Variants in OPA3 observed in about 807,000 individuals in gnomAD.
OPA3 encodes optic atrophy 3 protein.
Under a neutral mutation model 4.0 loss-of-function variants are expected in OPA3, and 6 were observed. The observed-to-expected ratio is 1.51, with a 90% CI of 0.83 to 2.99. OPA3 has a LOEUF of 2.99. Among genes scored for constraint, OPA3 ranks in the 30% most tolerant of loss-of-function variants. The pLI is 0.00. For synonymous variants in OPA3, 105 were observed against 117.1 expected (o/e 0.90, Z 0.67); for missense variants, 235 against 256.2 (o/e 0.92, Z 0.56).
intron 1 of OPA3, among the ~76,000 whole-genome samples, chr19:45,554,654 A>C (rs886541302): frequency 6.6e-6 from 1 of 152,250 alleles, no homozygotes; most frequent in African/African-American, 2.4e-5. Flanking sequence ...TCACTCCTGC[A>C]ACAATTAATA....
intron 1 of OPA3, among the ~76,000 whole-genome samples, chr19:45,574,442 C>A (rs1457109923): frequency 1.3e-5 from 2 of 151,878 alleles, no homozygotes; most frequent in South Asian, 4.2e-4. Context: ...CCATGTATAC[C>A]CCCTGTAGCC....
chr19:45,559,968 G>A (rs1475786829), intron 1 of OPA3, among the ~76,000 whole-genome samples: 1 of 152,062 alleles, frequency 6.6e-6, no homozygotes, highest in African/African-American at 2.4e-5. Context: ...CAAAACTGGG[G>A]GTCAAAATAC....
chr19:45,584,539 T>C (rs1311170838), intron 1 of OPA3, 84 bp downstream of exon 1: 29 of 1,609,546 alleles, frequency 1.8e-5, no homozygotes, highest in African/African-American at 2.7e-5. Flanking sequence ...TGATTGGTCG[T>C]AGACAGAAGT....
intron 1 of OPA3, among the ~76,000 whole-genome samples, chr19:45,558,193 G>A (rs558947502): frequency 2.0e-5 from 3 of 152,176 alleles, no homozygotes; most frequent in Admixed American, 1.3e-4. Context: ...TTAGCGGGGC[G>A]TGGTGGGAGG....
chr19:45,532,822 TC>T (rs1459157656), intron 1 of OPA3, among the ~76,000 whole-genome samples: 1 of 152,068 alleles, frequency 6.6e-6, no homozygotes, highest in Non-Finnish European at 1.5e-5. Context: ...CAAGCAATCC[TC>T]CCACCTCAGC....
chr19:45,558,656 C>G (rs1334676230), intron 1 of OPA3, among the ~76,000 whole-genome samples: 1 of 152,132 alleles, frequency 6.6e-6, no homozygotes, highest in African/African-American at 2.4e-5. Context: ...ATGCGGCCTG[C>G]CCTTTCTCCG....
Position 45,548,179 on chromosome 19 carries a change from C to T in OPA3, c.*5335G>A. On this transcript the variant is annotated 3_prime_UTR_variant, in exon 2 of 2. Coordinates refer to ENST00000263275, the MANE Select transcript of OPA3 (RefSeq NM_025136.4). Reference sequence around the variant, plus strand: ...CACCGACTCCAGCTACAAGCCATTGCCACTGGGGGACCCAAGCCTGCCACT... The same window carrying T: ...CACCGACTCCAGCTACAAGCCATTGTCACTGGGGGACCCAAGCCTGCCACT... 6 of 986,228 alleles carry T rather than the reference C, an allele frequency of 6.1e-6. No individual in the cohort carries two copies. Among genetic ancestry groups the T allele is most frequent in the Non-Finnish European group, 7.2e-6 (6 of 830,458 alleles). The allele number at this position is 986,228 out of a possible 1,614,324, so 61.1% of individuals were successfully genotyped here.
rs894114895 is a variant in OPA3, at chr19:45,559,393, C to T, written c.143-5482G>A. Among the ~76,000 whole-genome samples, 346 of 97,756 alleles carry T rather than the reference C, an allele frequency of 3.5e-3. 8 individuals are homozygous for T. Among genetic ancestry groups the T allele is most frequent in the African/African-American group, 0.013 (317 of 24,064 alleles). The allele number at this position is 97,756 out of a possible 152,430, so 64.1% of individuals were successfully genotyped here. ...TTCTCTCTCTTCTTTCCCTCTTTTT[C>T]TTTCTTTTTTTTTTTTTTTTTTTTT... On this transcript the variant is annotated intron_variant, in intron 1 of 1. Coordinates refer to ENST00000263275, the MANE Select transcript of OPA3 (RefSeq NM_025136.4).
At chr19:45,539,668 A>G (rs934190157) in intron 1 of OPA3, among the ~76,000 whole-genome samples, 2 of 150,618 alleles carry the variant, frequency 1.3e-5, no homozygotes, top group African/African-American at 4.9e-5. Context: ...AATCCCAGCT[A>G]CTGGGCGGGG....
At chr19:45,529,596 C>G in intron 1 of OPA3, 3 of 1,024,600 alleles carry the variant, frequency 2.9e-6, no homozygotes, top group South Asian at 3.0e-5. Context: ...GACGCCTTAA[C>G]GAAGACAAGT....
At chr19:45,529,876 T>A (rs1300437821) in intron 1 of OPA3, among the ~76,000 whole-genome samples, 14 of 151,658 alleles carry the variant, frequency 9.2e-5, no homozygotes, top group Admixed American at 7.2e-4. Flanking sequence ...TGGGACAACG[T>A]GTGCGCGCCA....
intron 1 of OPA3, among the ~76,000 whole-genome samples, chr19:45,580,140 G>A (rs1969828015): frequency 6.6e-6 from 1 of 151,270 alleles, no homozygotes; most frequent in African/African-American, 2.4e-5. Context: ...GGGATTACAG[G>A]CGCGTGCCAC....
chr19:45,530,550 C>T (rs1270405719), intron 1 of OPA3, among the ~76,000 whole-genome samples: 2 of 151,726 alleles, frequency 1.3e-5, no homozygotes, highest in Non-Finnish European at 2.9e-5. Context: ...TGCTCTGTTG[C>T]CCAGGCTGTA....
intron 1 of OPA3, among the ~76,000 whole-genome samples, chr19:45,558,726 T>C (rs946948524): frequency 6.6e-6 from 1 of 151,980 alleles, no homozygotes; most frequent in Non-Finnish European, 1.5e-5. Flanking sequence ...TCTGCTGTTT[T>C]TTTTTTTTAT....
At chr19:45,559,080 C>T (rs1260912552) in intron 1 of OPA3, among the ~76,000 whole-genome samples, 3 of 152,114 alleles carry the variant, frequency 2.0e-5, no homozygotes, top group African/African-American at 7.2e-5. Context: ...GACGGGATTT[C>T]ACCATGTTGG....
downstream of OPA3, among the ~76,000 whole-genome samples, chr19:45,541,602 T>C (rs560401606): frequency 3.3e-3 from 503 of 152,228 alleles, 5 homozygotes; most frequent in Non-Finnish European, 3.1e-3. Flanking sequence ...TCTCAGTCTG[T>C]TAGCCAGGCT....
At chr19:45,562,066 G>A (rs1422006050) in intron 1 of OPA3, among the ~76,000 whole-genome samples, 1 of 151,750 alleles carries the variant, frequency 6.6e-6, no homozygotes, top group Non-Finnish European at 1.5e-5. Flanking sequence ...TCTTATTAGG[G>A]CCAGGCATTA....
intron 1 of OPA3, among the ~76,000 whole-genome samples, chr19:45,584,099 C>A (rs1481213211): frequency 2.0e-5 from 3 of 152,152 alleles, no homozygotes; most frequent in Non-Finnish European, 2.9e-5. Context: ...CCAGACTTCA[C>A]CCCCGAACCA....
intron 1 of OPA3, among the ~76,000 whole-genome samples, chr19:45,572,756 T>A (rs1409560588): frequency 7.5e-6 from 1 of 132,738 alleles, no homozygotes. Context: ...GATATATATC[T>A]CGATATATAT....
Sources: gnomAD v4.1 joint callset for allele counts (sites outside exome capture counted in the v4.1 genomes callset) on GRCh38, gnomAD v4.1.1 for gene constraint, MANE v1.5 for transcripts, NCBI Gene and HGNC (gene_info 2026-07-23, HGNC 2026-07-21) for gene names.